The following CCDC178 variants were observed in gnomAD, a reference collection of about 807,000 sequenced individuals.
The protein encoded by CCDC178 is coiled-coil domain containing 178.
CCDC178 carries 126 observed loss-of-function variants against 117.4 expected under a neutral mutation model. The ratio of observed to expected loss-of-function variants is 1.07; its 90% CI spans 0.93 to 1.24. The LOEUF (loss-of-function observed/expected upper bound fraction) is 1.24, where lower values mean the gene tolerates loss of function less well. Among genes scored for constraint, CCDC178 ranks in the 50% most tolerant of loss-of-function variants. The probability of loss-of-function intolerance (pLI) is 0.00; values close to 1 mark genes in which losing one functional copy is unlikely to be tolerated. For missense variants in CCDC178, 1,030 were observed against 986.9 expected, an observed-to-expected ratio of 1.04 and a Z score of -0.59; for synonymous variants, 283 against 313.4, an observed-to-expected ratio of 0.90 and a Z score of 1.02.
At chr18:33,086,425 T>TACACACACAC (rs574137969) in intron 21 of CCDC178, among the ~76,000 whole-genome samples, 1 of 147,858 alleles carries the variant, frequency 6.8e-6, no homozygotes, top group African/African-American at 2.5e-5. Context: ...TAAATATATA[T>TACACACACAC]ACACACACAC....
chr18:33,214,404 G>C (rs1483723898), intron 19 of CCDC178, among the ~76,000 whole-genome samples: 1 of 151,922 alleles, frequency 6.6e-6, no homozygotes, highest in Non-Finnish European at 1.5e-5. Context: ...AGTTTAGAGA[G>C]AGAACTGATT....
intron 15 of CCDC178, among the ~76,000 whole-genome samples, chr18:33,234,926 A>T (rs372227073): frequency 1.1e-4 from 17 of 152,274 alleles, no homozygotes; most frequent in South Asian, 8.3e-4. Context: ...TCTTATCTGG[A>T]ATTCTTATAG....
At chr18:33,256,754 T>C (rs1422112018) in intron 14 of CCDC178, among the ~76,000 whole-genome samples, 1 of 152,024 alleles carries the variant, frequency 6.6e-6, no homozygotes, top group Non-Finnish European at 1.5e-5. Flanking sequence ...GTATTCTGGG[T>C]TCTATTTTTA....
intron 22 of CCDC178, among the ~76,000 whole-genome samples, chr18:32,947,972 A>G (rs2054392981): frequency 6.6e-6 from 1 of 152,044 alleles, no homozygotes; most frequent in Non-Finnish European, 1.5e-5. Flanking sequence ...TTCTTCAATA[A>G]TTTGTCTTTG....
At chr18:32,975,230 A>G (rs2144697074) in intron 21 of CCDC178, among the ~76,000 whole-genome samples, 1 of 152,294 alleles carries the variant, frequency 6.6e-6, no homozygotes, top group South Asian at 2.1e-4. Flanking sequence ...CTGAGGGAGA[A>G]CAATAACAAG....
chr18:33,074,465 A>T (rs2057169295), intron 21 of CCDC178, among the ~76,000 whole-genome samples: 1 of 152,188 alleles, frequency 6.6e-6, no homozygotes, highest in Non-Finnish European at 1.5e-5. Flanking sequence ...TTTGCTTAAA[A>T]TTATGTTTTA....
chr18:33,356,399 C>T, intron 6 of CCDC178, 53 bp from the exon 7 acceptor site: 1 of 1,396,512 alleles, frequency 7.2e-7, no homozygotes. Context: ...TATTAAAAAA[C>T]TGAATAAATG....
At chr18:33,335,164 CTTTG>C (rs756607386) in intron 9 of CCDC178, among the ~76,000 whole-genome samples, 26 of 151,616 alleles carry the variant, frequency 1.7e-4, no homozygotes, top group South Asian at 4.2e-4. Flanking sequence ...CTCCTTCTTT[CTTTG>C]TATTTATTTT....
intron 2 of CCDC178, among the ~76,000 whole-genome samples, chr18:33,438,096 C>G (rs1237704612): frequency 6.6e-6 from 1 of 152,138 alleles, no homozygotes; most frequent in Non-Finnish European, 1.5e-5. Flanking sequence ...TCTGCATCAA[C>G]CAGTCCAGAA....
chr18:33,003,904 A>G (rs895577881), intron 21 of CCDC178, among the ~76,000 whole-genome samples: 2 of 152,166 alleles, frequency 1.3e-5, no homozygotes, highest in African/African-American at 4.8e-5. Flanking sequence ...CTAGAAAAGA[A>G]ATCAAGAAAG....
At chr18:33,277,084 A>T (rs926532282) in intron 12 of CCDC178, among the ~76,000 whole-genome samples, 2 of 152,154 alleles carry the variant, frequency 1.3e-5, no homozygotes, top group African/African-American at 4.8e-5. Flanking sequence ...CTACTATTTA[A>T]CACTGTATTA....
intron 14 of CCDC178, among the ~76,000 whole-genome samples, chr18:33,251,546 T>C (rs554253590): frequency 6.6e-6 from 1 of 151,860 alleles, no homozygotes; most frequent in African/African-American, 2.4e-5. Context: ...GGGCCTCTAA[T>C]TGGCCCCAGT....
At chr18:33,160,636 G>T (rs1324101294) in intron 20 of CCDC178, among the ~76,000 whole-genome samples, 1 of 152,072 alleles carries the variant, frequency 6.6e-6, no homozygotes. Flanking sequence ...TGGGCTCGGG[G>T]TTTATTTCCT....
At chr18:33,153,542 A>G (rs1434370811) in intron 20 of CCDC178, among the ~76,000 whole-genome samples, 1 of 152,130 alleles carries the variant, frequency 6.6e-6, no homozygotes, top group African/African-American at 2.4e-5. Flanking sequence ...CTGGCCAAAT[A>G]CTTATCAACA....
chr18:33,299,365 T>G (rs1261650155), intron 11 of CCDC178, among the ~76,000 whole-genome samples: 1 of 152,082 alleles, frequency 6.6e-6, no homozygotes, highest in African/African-American at 2.4e-5. Context: ...GACAGTCTCT[T>G]CAATAAATGG....
At chr18:32,957,035 C>G (rs1464779153) in intron 22 of CCDC178, among the ~76,000 whole-genome samples, 1 of 152,110 alleles carries the variant, frequency 6.6e-6, no homozygotes, top group Non-Finnish European at 1.5e-5. Flanking sequence ...GTAAAGATAA[C>G]ATTTCATAAT....
In CCDC178 at chr18:33,263,554, GA is replaced by G. The variant is rs1359842654; in HGVS notation, c.1409+3361del. On this transcript the variant is annotated intron_variant, in intron 14 of 22. Coordinates refer to ENST00000383096, the MANE Select transcript of CCDC178 (RefSeq NM_001105528.4). ...TCATAATTAGTTATTTAGTAAGAAG[GA>G]AAAAATTCAGTAATATATTAATAGC... 5.9e-5 allele frequency among the ~76,000 whole-genome samples: 9 copies of G among 152,142 alleles called. No individual in the cohort carries two copies. The East Asian group carries it at 1.7e-3, about 29-fold the overall frequency.
rs560091137 is a variant in CCDC178, at chr18:33,415,621, C to A, written c.-22-3511G>T. ...AAATGACGAGTTAACGGGTGCAGCA[C>A]ACCAACATGGCACATGTATACATAT... On this transcript the variant is annotated intron_variant, in intron 2 of 22. Coordinates refer to ENST00000383096, the MANE Select transcript of CCDC178 (RefSeq NM_001105528.4). Among the ~76,000 whole-genome samples the A allele has an allele frequency of 4.6e-5, 7 of 152,150 alleles. No individual in the cohort carries two copies. In the South Asian group the frequency reaches 1.5e-3, roughly 32 times the overall value.
At chr18:33,043,565 A>G (rs1459096659) in intron 21 of CCDC178, among the ~76,000 whole-genome samples, 1 of 152,100 alleles carries the variant, frequency 6.6e-6, no homozygotes, top group Non-Finnish European at 1.5e-5. Context: ...AAAATTAAAC[A>G]TAACATAATT....
Sources: gnomAD v4.1 joint callset for allele counts (sites outside exome capture counted in the v4.1 genomes callset) on GRCh38, gnomAD v4.1.1 for gene constraint, MANE v1.5 for transcripts, NCBI Gene and HGNC (gene_info 2026-07-23, HGNC 2026-07-21) for gene names.